Variants in PCDH9 observed in about 807,000 individuals in gnomAD.
The protein encoded by PCDH9 is protocadherin 9.
Under a neutral mutation model 70.6 loss-of-function variants are expected in PCDH9, and 24 were observed. The ratio of observed to expected loss-of-function variants is 0.34; its 90% confidence interval spans 0.25 to 0.48. PCDH9 has a LOEUF of 0.48. Among genes scored for constraint, PCDH9 ranks in the 20% least tolerant of loss-of-function variants. PCDH9 has a pLI of 0.99. For missense variants in PCDH9, 1,281 were observed against 1,503.6 expected (o/e 0.85, Z 2.45); for synonymous variants, 562 against 558.5 (o/e 1.01, Z -0.09).
At chr13:67,009,706 G>A (rs759794206) in intron 2 of PCDH9, among the ~76,000 whole-genome samples, 3 of 151,886 alleles carry the variant, frequency 2.0e-5, no homozygotes, top group South Asian at 2.1e-4. Context: ...TTTACTAAAC[G>A]GATCTAACTC....
At chr13:67,051,506 C>T (rs1469335007) in intron 2 of PCDH9, among the ~76,000 whole-genome samples, 2 of 149,672 alleles carry the variant, frequency 1.3e-5, no homozygotes, top group Admixed American at 6.8e-5. Context: ...GATTCTCCTG[C>T]CTCAGCCTCC....
chr13:66,483,281 G>A (rs1958874151), intron 4 of PCDH9, among the ~76,000 whole-genome samples: 1 of 152,190 alleles, frequency 6.6e-6, no homozygotes, highest in African/African-American at 2.4e-5. Context: ...TAGGAAACAA[G>A]CATATACTGG....
At chr13:66,331,797 A>G (rs1955946865) in intron 4 of PCDH9, among the ~76,000 whole-genome samples, 1 of 152,194 alleles carries the variant, frequency 6.6e-6, no homozygotes, top group Non-Finnish European at 1.5e-5. Context: ...ACTTAGGAAC[A>G]ACAAGTTCCT....
chr13:66,361,788 C>T (rs1457565460), intron 4 of PCDH9, among the ~76,000 whole-genome samples: 3 of 152,066 alleles, frequency 2.0e-5, no homozygotes, highest in Non-Finnish European at 4.4e-5. Flanking sequence ...TGTTATATAA[C>T]AAGCTTATTA....
At chr13:67,151,213 G>T (rs1170216214) in intron 2 of PCDH9, among the ~76,000 whole-genome samples, 1 of 152,048 alleles carries the variant, frequency 6.6e-6, no homozygotes, top group Non-Finnish European at 1.5e-5. Context: ...TCACATTCAT[G>T]TGTTTTATCT....
rs1184441586 is a variant in PCDH9, at chr13:66,712,542, C to T, written c.3139-81131G>A. Among the ~76,000 whole-genome samples the T allele has an allele frequency of 2.0e-5, 3 of 151,932 alleles. No homozygotes were observed. The East Asian group carries it at 5.8e-4, about 29-fold the overall frequency. On this transcript the variant is annotated intron_variant, in intron 3 of 4. Coordinates refer to ENST00000377865, the MANE Select transcript of PCDH9 (RefSeq NM_203487.3). ...AAAACTAAAACATGTAAATACAACA[C>T]CTTTTTATTACAATTTTAAAATAAA... is the stretch of plus-strand genomic sequence containing the variant.
At chr13:67,189,998 C>A (rs935293197) in intron 2 of PCDH9, among the ~76,000 whole-genome samples, 1 of 152,036 alleles carries the variant, frequency 6.6e-6, no homozygotes, top group Admixed American at 6.6e-5. Context: ...ACCAAAGGCA[C>A]ATCAAATATT....
At chr13:66,596,339 T>G (rs2077102525) in intron 4 of PCDH9, among the ~76,000 whole-genome samples, 1 of 151,642 alleles carries the variant, frequency 6.6e-6, no homozygotes, top group Non-Finnish European at 1.5e-5. Context: ...AATTGAACAG[T>G]GTCCATTTGT....
chr13:67,102,903 C>A (rs926083616), intron 2 of PCDH9, among the ~76,000 whole-genome samples: 4 of 152,030 alleles, frequency 2.6e-5, no homozygotes, highest in African/African-American at 9.7e-5. Flanking sequence ...GCTTGAGAGA[C>A]AACATGGTTA....
At chr13:66,483,649 T>C (rs937365789) in intron 4 of PCDH9, among the ~76,000 whole-genome samples, 2 of 152,206 alleles carry the variant, frequency 1.3e-5, no homozygotes, top group Non-Finnish European at 2.9e-5. Flanking sequence ...GTTATTGATA[T>C]GGGAGTGCTG....
intron 2 of PCDH9, among the ~76,000 whole-genome samples, chr13:67,107,100 G>A (rs1247159601): frequency 1.3e-5 from 2 of 152,158 alleles, no homozygotes; most frequent in Non-Finnish European, 2.9e-5. Flanking sequence ...CCTCCTTCAA[G>A]CCCATGTCAG....
chr13:66,910,481 C>T (rs1321121254), intron 2 of PCDH9, among the ~76,000 whole-genome samples: 1 of 152,020 alleles, frequency 6.6e-6, no homozygotes, highest in Non-Finnish European at 1.5e-5. Context: ...ATAAATGGAA[C>T]CAGTACGTTC....
At chr13:66,493,454 T>C (rs1959065585) in intron 4 of PCDH9, among the ~76,000 whole-genome samples, 1 of 152,198 alleles carries the variant, frequency 6.6e-6, no homozygotes, top group Admixed American at 6.5e-5. Context: ...GAGTTAATAA[T>C]AATCCAAATG....
At chr13:66,904,298 T>C (rs372052543) in intron 2 of PCDH9, among the ~76,000 whole-genome samples, 1 of 152,052 alleles carries the variant, frequency 6.6e-6, no homozygotes, top group South Asian at 2.1e-4. Flanking sequence ...CCTTTCTCTG[T>C]GAACATATTA....
chr13:66,826,255 T>G (rs939869784), intron 3 of PCDH9, among the ~76,000 whole-genome samples: 3 of 152,134 alleles, frequency 2.0e-5, no homozygotes, highest in African/African-American at 7.2e-5. Flanking sequence ...GAAACAAAAA[T>G]GGTTTCCAAG....
At chr13:66,521,471 C>A (rs1280268203) in intron 4 of PCDH9, among the ~76,000 whole-genome samples, 1 of 152,082 alleles carries the variant, frequency 6.6e-6, no homozygotes, top group African/African-American at 2.4e-5. Context: ...CATCACAGAT[C>A]CTATCATAGG....
At chr13:67,095,525 T>A (rs888084836) in intron 2 of PCDH9, among the ~76,000 whole-genome samples, 1 of 152,122 alleles carries the variant, frequency 6.6e-6, no homozygotes, top group African/African-American at 2.4e-5. Flanking sequence ...AGAGGACACA[T>A]GTTTGACAGG....
At chr13:66,944,649 T>C (rs145170968) in intron 2 of PCDH9, among the ~76,000 whole-genome samples, 1 of 152,322 alleles carries the variant, frequency 6.6e-6, no homozygotes, top group Non-Finnish European at 1.5e-5. Flanking sequence ...CTTTATGCTA[T>C]GCTTACTTCT....
intron 2 of PCDH9, among the ~76,000 whole-genome samples, chr13:66,982,801 T>A (rs1249260267): frequency 6.6e-6 from 1 of 152,194 alleles, no homozygotes; most frequent in East Asian, 1.9e-4. Context: ...GCAACATTTG[T>A]TTCTTAATTT....
Sources: allele counts gnomAD v4.1 joint callset (sites outside exome capture counted in the v4.1 genomes callset), GRCh38; gene constraint gnomAD v4.1.1; transcripts MANE v1.5; gene names NCBI Gene and HGNC (gene_info 2026-07-23, HGNC 2026-07-21).